The following TMC6 variants were observed in gnomAD, a reference collection of about 807,000 sequenced individuals.
TMC6 encodes transmembrane channel-like protein 6.
Under a neutral mutation model 95.4 loss-of-function variants are expected in TMC6, and 71 were observed. The observed-to-expected ratio is 0.74, with a 90% CI of 0.61 to 0.91. TMC6 has a LOEUF of 0.91. Among genes scored for constraint, TMC6 ranks in the 40% least tolerant of loss-of-function variants. The pLI is 0.00. For synonymous variants in TMC6, 514 were observed against 483.1 expected, an observed-to-expected ratio of 1.06 and a Z score of -0.84; for missense variants, 1,074 against 1,079.1, an observed-to-expected ratio of 1.00 and a Z score of 0.07.
chr17:78,121,255 G>T lies in TMC6; in HGVS notation c.1384-91C>A. The T allele has an allele frequency of 1.3e-6, 2 of 1,526,266 alleles. No homozygotes were observed. The highest frequency in any genetic ancestry group is 1.8e-6 in the Non-Finnish European group (2 of 1,136,976). 94.5% of individuals were successfully genotyped at this position (1,526,266 alleles called of 1,614,324 possible). On this transcript the variant is annotated intron_variant, in intron 11 of 19. Transcript: ENST00000590602. This position sits in a 1 kb window ranked among gnomAD's most constrained non-coding sequence, Gnocchi z 5.6. ...GGAAGGGCCCGGGGTGGAACTGGCA[G>T]GTAGCACCTCCCTCCTCCAAGATCT...
At chr17:78,132,307 G>C (rs1465645633), upstream of TMC6, 33 of 1,604,782 alleles carry the variant, frequency 2.1e-5, no homozygotes, top group Middle Eastern at 1.7e-4. Context: ...CTCTCAGCGC[G>C]GCCCCAGCCC....
At chr17:78,126,228 G>T (rs1172303179) in intron 4 of TMC6, 49 bp downstream of exon 4, 1 of 1,537,258 alleles carries the variant, frequency 6.5e-7, no homozygotes, top group Admixed American at 2.0e-5. Flanking sequence ...CCAGGGACTG[G>T]GGTCAACTCG....
chr17:78,119,109 G>C (rs2074279780), intron 14 of TMC6, 63 bp from the exon 15 acceptor site: 1 of 1,532,244 alleles, frequency 6.5e-7, no homozygotes, highest in East Asian at 2.4e-5. Flanking sequence ...GATCAGGCTG[G>C]TTCCAGACCA....
chr17:78,121,412 GC>G lies in TMC6; in HGVS notation c.1383+143del. On this transcript the variant is annotated intron_variant, in intron 11 of 19. Transcript: ENST00000590602. The surrounding 1 kb of genome is among the most constrained non-coding windows in gnomAD (Gnocchi z 5.6). ...GGCTGAGAAGTGGGGCTCGGAGGGG[GC>G]CCCAGCACGGGGCACAGCGTACGTG... is the stretch of plus-strand genomic sequence containing the variant. 6.9e-7 allele frequency: 1 copy of G among 1,448,668 alleles called. No homozygotes were observed. The highest frequency in any genetic ancestry group is 9.4e-7 in the Non-Finnish European group (1 of 1,059,904). The allele number at this position is 1,448,668 out of a possible 1,614,324, so 89.7% of individuals were successfully genotyped here. A position where few individuals can be genotyped will look rare whatever the true frequency, so the allele number is the denominator to read the frequency against.
Position 78,126,356 on chromosome 17 carries a change from C to A in TMC6, c.192G>T (p.Gln64His), listed in dbSNP as rs753402039. Residue 64 changes from glutamine (Q) to histidine (H), a missense_variant, in exon 4 of 20, where the codon CAG (glutamine) becomes CAT (histidine). Transcript: ENST00000590602. ...TGCCCTCGGGCCGCCAGAGTGTCTG[C>A]TGGCTACTTCCTACAAAGCAAGAAA... ...QREREVTGSS[Q>H]QTLWRPEGTQ... 2 of 1,588,830 alleles carry A rather than the reference C, an allele frequency of 1.3e-6. No individual in the cohort carries two copies. The highest frequency in any genetic ancestry group is 1.7e-6 in the Non-Finnish European group (2 of 1,172,790).
At chr17:78,127,465 T>C (rs1469289385) in intron 1 of TMC6, among the ~76,000 whole-genome samples, 1 of 152,184 alleles carries the variant, frequency 6.6e-6, no homozygotes. Flanking sequence ...AAGGTCCTCA[T>C]GTTCTCAGAA....
intron 9 of TMC6, 130 bp downstream of exon 9, chr17:78,123,859 G>C: frequency 8.2e-7 from 1 of 1,223,358 alleles, no homozygotes; most frequent in Non-Finnish European, 1.2e-6. Context: ...TTGGATAGGT[G>C]AGTGGATGAG....
chr17:78,126,895 C>T lies in TMC6; in HGVS notation c.-63G>A, dbSNP rs1216881910. 6.3e-6 allele frequency: 10 copies of T among 1,574,986 alleles called. No homozygotes were observed. The highest frequency in any genetic ancestry group is 3.4e-5 in the South Asian group (3 of 87,798). ...TAGCTCAGAGCCTGGGCGCCACCTC[C>T]GGAGCCCCCATCTGATGAGACAGGG... On this transcript the variant is annotated 5_prime_UTR_variant, in exon 2 of 20. Coordinates refer to ENST00000590602, the MANE Select transcript of TMC6 (RefSeq NM_001127198.5).
chr17:78,132,041 C>G, upstream of TMC6: 2 of 1,534,594 alleles, frequency 1.3e-6, no homozygotes, highest in East Asian at 4.9e-5. Context: ...GTAGGACCCG[C>G]GCGACCCGCA....
upstream of TMC6, chr17:78,128,906 C>T (rs2074885072): frequency 6.6e-6 from 1 of 151,776 alleles, no homozygotes; most frequent in Non-Finnish European, 1.5e-5. This position sits in a 1 kb window ranked among gnomAD's most constrained non-coding sequence, Gnocchi z 4.0. Flanking sequence ...CCCCTGCCAA[C>T]TTCCGACCCC....
intron 8 of TMC6, 34 bp from the exon 9 acceptor site, chr17:78,124,213 T>C (rs2074578728): frequency 6.2e-7 from 1 of 1,609,300 alleles, no homozygotes; most frequent in African/African-American, 1.3e-5. Flanking sequence ...GTCAGGGACT[T>C]TCCCCACGCC....
In TMC6 at chr17:78,126,872, G is replaced by A. The variant is rs368627154; in HGVS notation, c.-40C>T. ...CCCGCTAGTCTGCAGACCTAGGGTA[G>A]CTCAGAGCCTGGGCGCCACCTCCGG... On this transcript the variant is annotated 5_prime_UTR_variant, in exon 2 of 20. Transcript: ENST00000590602. 6.2e-6 allele frequency: 10 copies of A among 1,606,372 alleles called. No individual in the cohort carries two copies. Among genetic ancestry groups the A allele is most frequent in the African/African-American group, 1.3e-5 (1 of 74,656 alleles).
upstream of TMC6, chr17:78,131,987 C>T (rs2145577870): frequency 6.5e-7 from 1 of 1,527,240 alleles, no homozygotes; most frequent in Non-Finnish European, 8.7e-7. Flanking sequence ...AGCGGCTGGC[C>T]CGGGGCCTTG....
chr17:78,118,175 A>G lies in TMC6; in HGVS notation c.1888-240T>C, dbSNP rs1403198806. The G allele has an allele frequency of 9.5e-6, 6 of 633,470 alleles. No homozygotes were observed. The Admixed American group carries it at 1.2e-4, about 12-fold the overall frequency. The allele number at this position is 633,470 out of a possible 1,614,324, so 39.2% of individuals were successfully genotyped here. A position where few individuals can be genotyped will look rare whatever the true frequency, so the allele number is the denominator to read the frequency against. On this transcript the variant is annotated intron_variant, in intron 15 of 19. Transcript: ENST00000590602. Reference sequence around the variant, plus strand: ...AGGTCGCTGCCATGCCAGGCTCTGCACACAACACTGTACACACCACCTCCC... The same window carrying G: ...AGGTCGCTGCCATGCCAGGCTCTGCGCACAACACTGTACACACCACCTCCC...
rs952152951 is a variant in TMC6 at position 78,128,260 on chromosome 17, G to A, written c.-75+352C>T. ...GCAACCTGGCCCCAGAGCCCAGAGC[G>A]GCTGCAACTCTGGGGCCACCGAACC... is the stretch of plus-strand genomic sequence containing the variant. On this transcript the variant is annotated intron_variant, in intron 1 of 19. Transcript: ENST00000590602. The surrounding 1 kb of genome is among the most constrained non-coding windows in gnomAD (Gnocchi z 4.0). Among the ~76,000 whole-genome samples the A allele has an allele frequency of 7.9e-5, 12 of 152,088 alleles. No individual in the cohort carries two copies. Among genetic ancestry groups the A allele is most frequent in the African/African-American group, 2.9e-4 (12 of 41,410 alleles).
Position 78,128,547 on chromosome 17 carries a change from C to T in TMC6, c.-75+65G>A, listed in dbSNP as rs1185084549. On this transcript the variant is annotated intron_variant, in intron 1 of 19. Transcript: ENST00000590602. The surrounding 1 kb of genome is among the most constrained non-coding windows in gnomAD (Gnocchi z 4.0). Reference sequence around the variant, plus strand: ...GAAAGGAATTCAGGGGGGATTGCCGCTGTCCCCGCATAGGAGAAGCAGCTG... The same window carrying T: ...GAAAGGAATTCAGGGGGGATTGCCGTTGTCCCCGCATAGGAGAAGCAGCTG... The T allele has an allele frequency of 6.6e-6, 1 of 152,262 alleles. No individual in the cohort carries two copies. The highest frequency in any genetic ancestry group is 1.5e-5 in the Non-Finnish European group (1 of 68,082). 9.4% of individuals were successfully genotyped at this position (152,262 alleles called of 1,614,324 possible).
At chr17:78,126,132 G>T (rs2074699990) in intron 4 of TMC6, 145 bp downstream of exon 4, 2 of 1,263,436 alleles carry the variant, frequency 1.6e-6, no homozygotes, top group African/African-American at 1.5e-5. Context: ...AGATGGGATG[G>T]GCTAGGAGCC....
At chr17:78,131,686 G>A (rs1286486208), upstream of TMC6, 1 of 1,576,766 alleles carries the variant, frequency 6.3e-7, no homozygotes, top group Non-Finnish European at 8.6e-7. Flanking sequence ...CGCGGCTCTG[G>A]GACGCCCGTG....
rs1442434017 is a variant in TMC6 at position 78,109,165 on chromosome 17, G to C, written c.*3983C>G. The C allele has an allele frequency of 2.6e-5, 8 of 313,188 alleles. No homozygotes were observed. The highest frequency in any genetic ancestry group is 4.4e-5 in the Non-Finnish European group (7 of 158,232). The allele number at this position is 313,188 out of a possible 1,614,324, so 19.4% of individuals were successfully genotyped here. A position where few individuals can be genotyped will look rare whatever the true frequency, so the allele number is the denominator to read the frequency against. The stretch of plus-strand genomic sequence containing the variant: ...GGCAACATCACGGCAGAACGGTAAA[G>C]GCAGAAAGCACAGTGCCCAGCAGCT... On this transcript the variant is annotated 3_prime_UTR_variant, in exon 20 of 20. Coordinates refer to ENST00000590602, the MANE Select transcript of TMC6 (RefSeq NM_001127198.5).
Sources: allele counts gnomAD v4.1 joint callset (sites outside exome capture counted in the v4.1 genomes callset), GRCh38; gene constraint gnomAD v4.1.1; non-coding constraint Gnocchi (gnomAD v3.1); transcripts MANE v1.5; gene names NCBI Gene and HGNC (gene_info 2026-07-23, HGNC 2026-07-21).